The following SORCS3 variants were observed in gnomAD, a reference collection of about 807,000 sequenced individuals.
The protein encoded by SORCS3 is VPS10 domain-containing receptor SorCS3.
Under a neutral mutation model 146.3 loss-of-function variants are expected in SORCS3, and 57 were observed. The observed-to-expected ratio is 0.39, with a 90% CI of 0.31 to 0.49. The LOEUF (loss-of-function observed/expected upper bound fraction) is 0.49. SORCS3 is among the 20% of genes least tolerant of loss of function. The pLI, the probability that SORCS3 is intolerant of heterozygous loss-of-function variation, is 0.92. For missense variants in SORCS3, 1,341 were observed against 1,575.5 expected (o/e 0.85, Z 2.52); for synonymous variants, 653 against 618.5 (o/e 1.06, Z -0.83).
chr10:105,056,935 T>C (rs1160478193), intron 5 of SORCS3, among the ~76,000 whole-genome samples: 9 of 152,216 alleles, frequency 5.9e-5, no homozygotes, highest in Non-Finnish European at 1.5e-5. Context: ...TTTTACATCT[T>C]TTAAAAAAAC....
chr10:105,260,831 T>C (rs898494735), intron 25 of SORCS3, among the ~76,000 whole-genome samples: 6 of 152,328 alleles, frequency 3.9e-5, no homozygotes, highest in Middle Eastern at 3.4e-3. Context: ...GTTTCAGTGA[T>C]ATCTATGCTA....
intron 4 of SORCS3, 26 bp downstream of exon 4, chr10:104,977,519 T>A (rs1331011895): frequency 6.4e-7 from 1 of 1,571,050 alleles, no homozygotes; most frequent in Admixed American, 1.8e-5. Context: ...TTTCATTTAC[T>A]TCTTGTCATC....
intron 20 of SORCS3, among the ~76,000 whole-genome samples, chr10:105,230,899 G>A (rs1197811451): frequency 6.6e-6 from 1 of 152,146 alleles, no homozygotes; most frequent in Non-Finnish European, 1.5e-5. Context: ...CCTCTCTGGA[G>A]CACGGATATT....
chr10:104,762,599 C>A lies in SORCS3; in HGVS notation c.628-80193C>A, dbSNP rs368367348. On this transcript the variant is annotated intron_variant, in intron 1 of 26. Transcript: ENST00000369701. ...CCCAAATCTCATCTCAAATTGTAAT[C>A]CTAATGTGTCGAGGGAAGGACCTGA... 1.5e-4 allele frequency among the ~76,000 whole-genome samples: 23 copies of A among 152,232 alleles called. No homozygotes were observed. In the East Asian group the frequency reaches 3.7e-3, roughly 24 times the overall value.
At chr10:104,966,527 C>T (rs2076879092) in intron 3 of SORCS3, among the ~76,000 whole-genome samples, 1 of 152,110 alleles carries the variant, frequency 6.6e-6, no homozygotes, top group Admixed American at 6.5e-5. Flanking sequence ...CTGTTTGCTC[C>T]TATTCTGAGA....
chr10:104,725,968 G>C (rs567911132), intron 1 of SORCS3, among the ~76,000 whole-genome samples: 2 of 152,168 alleles, frequency 1.3e-5, no homozygotes, highest in African/African-American at 2.4e-5. Context: ...TGCTCAGTGC[G>C]CTGCACCCAC....
rs71473548 is a variant in SORCS3 at position 105,188,611 on chromosome 10, A to G, written c.2009+10438A>G. Among the ~76,000 whole-genome samples, 722 of 152,308 alleles carry G rather than the reference A, an allele frequency of 4.7e-3. 4 individuals are homozygous for G. The highest frequency in any genetic ancestry group is 6.7e-3 in the Non-Finnish European group (454 of 68,008). Reference sequence around the variant, plus strand: ...TAAAATAAAATTTCAGGAAATTGCTAAATAGTGGCTTCTGCTGAAACAGTT... The same window carrying G: ...TAAAATAAAATTTCAGGAAATTGCTGAATAGTGGCTTCTGCTGAAACAGTT... On this transcript the variant is annotated intron_variant, in intron 14 of 26. Transcript: ENST00000369701.
intron 3 of SORCS3, among the ~76,000 whole-genome samples, chr10:104,966,539 C>T (rs1247664929): frequency 3.3e-5 from 5 of 152,094 alleles, no homozygotes; most frequent in Non-Finnish European, 1.5e-5. Context: ...ATTCTGAGAA[C>T]GTGCCCAAAA....
intron 1 of SORCS3, among the ~76,000 whole-genome samples, chr10:104,728,360 G>A (rs1163565490): frequency 6.6e-6 from 1 of 152,052 alleles, no homozygotes; most frequent in Non-Finnish European, 1.5e-5. Flanking sequence ...CTAAGATTTG[G>A]GCAGTGGAGG....
intron 5 of SORCS3, among the ~76,000 whole-genome samples, chr10:105,052,162 A>G (rs193291742): frequency 4.9e-4 from 75 of 152,244 alleles, no homozygotes; most frequent in African/African-American, 1.7e-3. Flanking sequence ...GTAGCTAATG[A>G]CTTCTTTGCT....
chr10:105,022,968 G>A (rs2133690060), intron 4 of SORCS3, among the ~76,000 whole-genome samples: 1 of 152,132 alleles, frequency 6.6e-6, no homozygotes, highest in African/African-American at 2.4e-5. Flanking sequence ...AAGAGTGGGA[G>A]GTCTGCAGAG....
chr10:104,849,539 A>C (rs1020712987), intron 2 of SORCS3, among the ~76,000 whole-genome samples: 2 of 152,138 alleles, frequency 1.3e-5, no homozygotes, highest in East Asian at 3.8e-4. Flanking sequence ...TCTTGGATTC[A>C]AACAGCCTGG....
At chr10:104,956,956 G>T (rs1241196811) in intron 3 of SORCS3, among the ~76,000 whole-genome samples, 2 of 152,156 alleles carry the variant, frequency 1.3e-5, no homozygotes, top group Non-Finnish European at 2.9e-5. Context: ...TGGTTGAAGA[G>T]TGTAGGGTGC....
chr10:104,996,056 A>G (rs536695037), intron 4 of SORCS3, among the ~76,000 whole-genome samples: 21 of 152,326 alleles, frequency 1.4e-4, no homozygotes, highest in Non-Finnish European at 2.8e-4. Flanking sequence ...TCAAAAATTA[A>G]TTGGCCATAT....
At chr10:105,207,825 A>C (rs914658224) in intron 16 of SORCS3, among the ~76,000 whole-genome samples, 1 of 152,218 alleles carries the variant, frequency 6.6e-6, no homozygotes, top group Non-Finnish European at 1.5e-5. Flanking sequence ...GCAGAGCTGA[A>C]CAGAACTGCT....
intron 21 of SORCS3, 40 bp from the exon 22 acceptor site, chr10:105,247,179 C>T (rs2056871416): frequency 8.3e-7 from 1 of 1,209,444 alleles, no homozygotes; most frequent in Non-Finnish European, 1.2e-6. Flanking sequence ...TCTCTCTTCT[C>T]ACTCTCCCAG....
At chr10:105,236,238 C>A (rs947974589) in intron 20 of SORCS3, among the ~76,000 whole-genome samples, 3 of 152,094 alleles carry the variant, frequency 2.0e-5, no homozygotes, top group African/African-American at 4.8e-5. Context: ...CAAATTCAAA[C>A]ACTTGGTTAG....
intron 17 of SORCS3, among the ~76,000 whole-genome samples, chr10:105,213,779 T>G (rs1277505758): frequency 6.6e-6 from 1 of 152,058 alleles, no homozygotes; most frequent in Non-Finnish European, 1.5e-5. Flanking sequence ...TTTTACATAG[T>G]GGGATAGTGA....
At chr10:104,822,578 C>A (rs1486781196) in intron 1 of SORCS3, among the ~76,000 whole-genome samples, 1 of 152,190 alleles carries the variant, frequency 6.6e-6, no homozygotes, top group Non-Finnish European at 1.5e-5. Context: ...GAGACAAACC[C>A]AGGCATATGT....
Sources: gnomAD v4.1 joint callset for allele counts (sites outside exome capture counted in the v4.1 genomes callset) on GRCh38, gnomAD v4.1.1 for gene constraint, MANE v1.5 for transcripts, NCBI Gene and HGNC (gene_info 2026-07-23, HGNC 2026-07-21) for gene names.